Variants in CCNY observed in about 807,000 individuals in gnomAD.
The protein encoded by CCNY is cyclin-Y.
Under a neutral mutation model 42.8 loss-of-function variants are expected in CCNY, and 19 were observed. That is an observed-to-expected ratio of 0.44 (90% CI 0.31 to 0.65). The LOEUF is 0.65. Among genes scored for constraint, CCNY ranks in the 30% least tolerant of loss-of-function variants. The pLI is 0.07. For synonymous variants in CCNY, 165 were observed against 162.7 expected, an observed-to-expected ratio of 1.01 and a Z score of -0.11; for missense variants, 370 against 437.3, an observed-to-expected ratio of 0.85 and a Z score of 1.37.
chr10:35,423,223 T>C (rs2090552435), intron 1 of CCNY, among the ~76,000 whole-genome samples: 1 of 152,124 alleles, frequency 6.6e-6, no homozygotes, highest in African/African-American at 2.4e-5. Flanking sequence ...ACCTGTAATG[T>C]CAACACTTCA....
intron 1 of CCNY, among the ~76,000 whole-genome samples, chr10:35,448,784 T>C (rs1051749793): frequency 6.6e-6 from 1 of 151,932 alleles, no homozygotes; most frequent in African/African-American, 2.4e-5. Context: ...TGTGAGTACT[T>C]TGCACTCTAG....
intron 3 of CCNY, among the ~76,000 whole-genome samples, chr10:35,292,781 G>GTTTTTTTTTTTTTTTT (rs71033391): frequency 9.2e-6 from 1 of 108,796 alleles, no homozygotes. Flanking sequence ...CTTTGTTTTT[G>GTTTTTTTTTTTTTTTT]TTTTTTTTTT....
intron 3 of CCNY, among the ~76,000 whole-genome samples, chr10:35,506,461 G>T (rs1158233291): frequency 1.3e-5 from 2 of 152,108 alleles, no homozygotes. Flanking sequence ...ACACACACTG[G>T]TACATTGAGA....
chr10:35,435,652 T>C (rs1589119937), intron 1 of CCNY, among the ~76,000 whole-genome samples: 1 of 152,254 alleles, frequency 6.6e-6, no homozygotes, highest in East Asian at 1.9e-4. Flanking sequence ...CTGGGTTACC[T>C]GTTTACACAC....
chr10:35,381,722 G>C (rs1837189861), intron 1 of CCNY, among the ~76,000 whole-genome samples: 1 of 152,186 alleles, frequency 6.6e-6, no homozygotes, highest in Non-Finnish European at 1.5e-5. Flanking sequence ...AGCTTGCTTA[G>C]GACAGTCTTG....
chr10:35,497,604 G>A (rs1041321379), intron 2 of CCNY, among the ~76,000 whole-genome samples: 4 of 152,002 alleles, frequency 2.6e-5, no homozygotes, highest in Non-Finnish European at 4.4e-5. Context: ...GCTGGATGTG[G>A]TGGTGCACCC....
intron 1 of CCNY, among the ~76,000 whole-genome samples, chr10:35,340,867 A>G (rs1394919312): frequency 6.6e-6 from 1 of 152,046 alleles, no homozygotes; most frequent in African/African-American, 2.4e-5. Context: ...CTCGTCCTGT[A>G]TCATATCTGG....
chr10:35,516,661 CTTTTTTTTTTTTTTTT>C (rs35268084), intron 4 of CCNY, 38 bp downstream of exon 4: 5 of 327,600 alleles, frequency 1.5e-5, no homozygotes, highest in African/African-American at 9.9e-5. Context: ...TCCTTCCTTC[CTTTTTTTTTTTTTTTT>C]TTTTTTTTTT....
chr10:35,375,650 G>A (rs1837036124), intron 1 of CCNY, among the ~76,000 whole-genome samples: 1 of 152,194 alleles, frequency 6.6e-6, no homozygotes, highest in South Asian at 2.1e-4. Flanking sequence ...TTCAGTATAG[G>A]GAAGTCTTAG....
chr10:35,532,707 G>A (rs1343044589), intron 7 of CCNY, among the ~76,000 whole-genome samples: 1 of 152,232 alleles, frequency 6.6e-6, no homozygotes, highest in Non-Finnish European at 1.5e-5. Context: ...CAGGCCTGCA[G>A]TGAAGTGGGC....
intron 7 of CCNY, among the ~76,000 whole-genome samples, chr10:35,535,840 G>A (rs926555271): frequency 1.3e-5 from 2 of 152,122 alleles, no homozygotes; most frequent in African/African-American, 4.8e-5. Flanking sequence ...TTATATCAGG[G>A]ACTTGAGCAT....
intron 1 of CCNY, among the ~76,000 whole-genome samples, chr10:35,465,347 G>C (rs139953173): frequency 1.3e-5 from 2 of 152,162 alleles, no homozygotes; most frequent in African/African-American, 2.4e-5. Flanking sequence ...TGCTCTGATC[G>C]TCCTAGGACC....
At chr10:35,516,281 T>G (rs1840424206) in intron 3 of CCNY, among the ~76,000 whole-genome samples, 1 of 152,242 alleles carries the variant, frequency 6.6e-6, no homozygotes, top group Non-Finnish European at 1.5e-5. Context: ...AAGAGTTTAC[T>G]GTTCTCCTGA....
At chr10:35,441,374 G>A (rs979303450) in intron 1 of CCNY, among the ~76,000 whole-genome samples, 2 of 152,212 alleles carry the variant, frequency 1.3e-5, no homozygotes, top group African/African-American at 2.4e-5. Flanking sequence ...GTGGTACAGA[G>A]TTTCCTATGT....
chr10:35,392,362 A>G (rs1191001770), intron 1 of CCNY, among the ~76,000 whole-genome samples: 1 of 152,242 alleles, frequency 6.6e-6, no homozygotes, highest in East Asian at 1.9e-4. Context: ...AAGGATGTAG[A>G]GTGACCCAGG....
chr10:35,366,550 G>A (rs1320185507), intron 1 of CCNY, among the ~76,000 whole-genome samples: 1 of 152,238 alleles, frequency 6.6e-6, no homozygotes, highest in Admixed American at 6.5e-5. Flanking sequence ...TATTAACAGA[G>A]ATGGGAGACT....
chr10:35,370,442 C>T (rs895591329), intron 1 of CCNY, among the ~76,000 whole-genome samples: 9 of 152,108 alleles, frequency 5.9e-5, no homozygotes, highest in Admixed American at 2.0e-4. Context: ...TGAGCCACCG[C>T]GCCCGGCCGT....
In CCNY at chr10:35,429,739, A is replaced by G. The variant is rs545752082; in HGVS notation, c.155-53665A>G. On this transcript the variant is annotated intron_variant, in intron 1 of 9. Coordinates refer to ENST00000374704, the MANE Select transcript of CCNY (RefSeq NM_145012.6). ...TTGGGTCATTTCATCTACATTGCAA[A>G]CTCTTCTAGGTATGTGGCCATGTAT... Among the ~76,000 whole-genome samples, 103 of 151,936 alleles carry G rather than the reference A, an allele frequency of 6.8e-4. 1 individual carries two copies. Among genetic ancestry groups the G allele is most frequent in the South Asian group, 1.7e-3 (8 of 4,818 alleles).
At position 35,530,095 on chromosome 10, in the gene CCNY, C is replaced by T. The variant is rs891449497; in HGVS notation, c.460-29C>T. 1 of 1,614,144 alleles carries T rather than the reference C, an allele frequency of 6.2e-7. No homozygotes were observed. Among genetic ancestry groups the T allele is most frequent in the Non-Finnish European group, 8.5e-7 (1 of 1,180,006 alleles). On this transcript the variant is annotated intron_variant, in intron 6 of 9. Coordinates refer to ENST00000374704, the MANE Select transcript of CCNY (RefSeq NM_145012.6). This position sits in a 1 kb window ranked among gnomAD's most constrained non-coding sequence, Gnocchi z 4.3. ...TTCTCTTTTGCTCCAATCGGGAGATCAGTCATCTGAAAATATTTTCTTCCC... is the reference window on the plus strand; with the variant it reads ...TTCTCTTTTGCTCCAATCGGGAGATTAGTCATCTGAAAATATTTTCTTCCC...
Sources: gnomAD v4.1 joint callset for allele counts (sites outside exome capture counted in the v4.1 genomes callset) on GRCh38, gnomAD v4.1.1 for gene constraint, Gnocchi (gnomAD v3.1) non-coding constraint, MANE v1.5 for transcripts, NCBI Gene and HGNC (gene_info 2026-07-23, HGNC 2026-07-21) for gene names.